RALGPS1: variants seen among roughly 807,000 people sequenced by gnomAD.
The protein encoded by RALGPS1 is Ral GEF with PH domain and SH3 binding motif 1, also known as ras-specific guanine nucleotide-releasing factor RalGPS1.
RALGPS1 carries 19 observed loss-of-function variants against 78.8 expected under a neutral mutation model. The observed-to-expected ratio is 0.24, with a 90% CI of 0.17 to 0.35. The LOEUF (loss-of-function observed/expected upper bound fraction) is 0.35. Among genes scored for constraint, RALGPS1 ranks in the 10% least tolerant of loss-of-function variants. RALGPS1 has a pLI of 1.00. For synonymous variants in RALGPS1, 228 were observed against 256.3 expected (o/e 0.89, Z 1.06); for missense variants, 454 against 688.3 (o/e 0.66, Z 3.81).
Position 127,218,411 on chromosome 9 carries a change from G to C in RALGPS1, c.1645-329G>C, listed in dbSNP as rs1480108991. ...GAGATAGGTTAAGAGCATGGGCTCT[G>C]GGTTCTTAGCCCTGCTGCTTACTTG... On this transcript the variant is annotated intron_variant, in intron 18 of 18. Coordinates refer to ENST00000259351, the MANE Select transcript of RALGPS1 (RefSeq NM_014636.3). This position sits in a 1 kb window ranked among gnomAD's most constrained non-coding sequence, Gnocchi z 4.4. Among the ~76,000 whole-genome samples, 1 of 152,182 alleles carries C rather than the reference G, an allele frequency of 6.6e-6. No individual in the cohort carries two copies. Among genetic ancestry groups the C allele is most frequent in the African/African-American group, 2.4e-5 (1 of 41,442 alleles).
Position 127,196,871 on chromosome 9 carries a change from G to A in RALGPS1, c.1195+240G>A, listed in dbSNP as rs999001773. ...CTGGATCTGTCGTCATCCTGCTGGTGGCATGGCAGGCAGGTAGAAAAAGCA... is the reference window on the plus strand; with the variant it reads ...CTGGATCTGTCGTCATCCTGCTGGTAGCATGGCAGGCAGGTAGAAAAAGCA... On this transcript the variant is annotated intron_variant, in intron 13 of 18. Coordinates refer to ENST00000259351, the MANE Select transcript of RALGPS1 (RefSeq NM_014636.3). Among the ~76,000 whole-genome samples the A allele has an allele frequency of 3.3e-5, 5 of 152,192 alleles. No homozygotes were observed. In the East Asian group the frequency reaches 9.6e-4, roughly 29 times the overall value.
At chr9:127,076,095 G>A (rs1190153875) in intron 8 of RALGPS1, among the ~76,000 whole-genome samples, 1 of 152,208 alleles carries the variant, frequency 6.6e-6, no homozygotes, top group Non-Finnish European at 1.5e-5. Context: ...TTCAAAGTGT[G>A]AAAACAGTGT....
chr9:126,948,643 C>G (rs1219228712), intron 1 of RALGPS1, among the ~76,000 whole-genome samples: 1 of 152,130 alleles, frequency 6.6e-6, no homozygotes, highest in Non-Finnish European at 1.5e-5. Flanking sequence ...CTTCTGCCTC[C>G]TCAGCTTCAG....
chr9:127,155,964 T>C (rs1426320158), intron 8 of RALGPS1, among the ~76,000 whole-genome samples: 1 of 152,072 alleles, frequency 6.6e-6, no homozygotes, highest in Non-Finnish European at 1.5e-5. Flanking sequence ...TAATATAAAA[T>C]TGTATAAAGC....
rs2132137952 is a variant in RALGPS1, at chr9:126,962,413, C to T, written c.57+67C>T. 13 of 1,535,240 alleles carry T rather than the reference C, an allele frequency of 8.5e-6. No homozygotes were observed. The South Asian group carries it at 1.5e-4, about 17-fold the overall frequency. On this transcript the variant is annotated intron_variant, in intron 2 of 18. Coordinates refer to ENST00000259351, the MANE Select transcript of RALGPS1 (RefSeq NM_014636.3). Reference sequence around the variant, plus strand: ...TCCTTTCAGCTAACCCAGGCCCCAGCTGAGCCTTGGACAGCGAGGCAGTAG... The same window carrying T: ...TCCTTTCAGCTAACCCAGGCCCCAGTTGAGCCTTGGACAGCGAGGCAGTAG...
rs142107696 is a variant in RALGPS1, at chr9:127,195,721, G to A, written c.1037+504G>A. ...GGGCAACTGTGCCTGTGTCTCCAGG[G>A]CATTAGGCACAGGCTTCCGAACAGA... On this transcript the variant is annotated intron_variant, in intron 12 of 18. Coordinates refer to ENST00000259351, the MANE Select transcript of RALGPS1 (RefSeq NM_014636.3). Among the ~76,000 whole-genome samples the A allele has an allele frequency of 3.0e-3, 463 of 152,300 alleles. 2 individuals are homozygous for A. Among genetic ancestry groups the A allele is most frequent in the African/African-American group, 0.011 (443 of 41,568 alleles).
chr9:127,108,597 CT>C, intron 8 of RALGPS1: 1 of 1,613,706 alleles, frequency 6.2e-7, no homozygotes, highest in Non-Finnish European at 8.5e-7. Context: ...CGCCCGCCCG[CT>C]TGTACCTGTT....
Position 127,218,850 on chromosome 9 carries a change from A to AGGC in RALGPS1, c.*82_*84dup. 6.7e-7 allele frequency: 1 copy of AGGC among 1,484,264 alleles called. No homozygotes were observed. The highest frequency in any genetic ancestry group is 2.3e-5 in the East Asian group (1 of 44,294). 91.9% of individuals were successfully genotyped at this position (1,484,264 alleles called of 1,614,324 possible). A position where few individuals can be genotyped will look rare whatever the true frequency, so the allele number is the denominator to read the frequency against. On this transcript the variant is annotated 3_prime_UTR_variant, in exon 19 of 19. Transcript: ENST00000259351. The surrounding 1 kb of genome is among the most constrained non-coding windows in gnomAD (Gnocchi z 4.4). Reference sequence around the variant, plus strand: ...GGTGGTGAAGAGCAGTCCTGGGCACAGGCTGTGAGCCAGGGTGCTGGGAAA... The same window carrying AGGC: ...GGTGGTGAAGAGCAGTCCTGGGCACAGGCGGCTGTGAGCCAGGGTGCTGGGAAA...
At chr9:127,109,945 C>G (rs995868989) in intron 8 of RALGPS1, among the ~76,000 whole-genome samples, 10 of 152,230 alleles carry the variant, frequency 6.6e-5, no homozygotes, top group African/African-American at 2.4e-4. Flanking sequence ...GATCCCTTCT[C>G]TTGCCCACTC....
chr9:127,047,469 C>T (rs1242984525), intron 5 of RALGPS1, among the ~76,000 whole-genome samples: 1 of 152,112 alleles, frequency 6.6e-6, no homozygotes, highest in Non-Finnish European at 1.5e-5. Flanking sequence ...GAGGCCGAGG[C>T]AGGTGGATCA....
intron 11 of RALGPS1, among the ~76,000 whole-genome samples, chr9:127,180,061 G>A (rs997847849): frequency 2.2e-4 from 34 of 152,148 alleles, no homozygotes; most frequent in African/African-American, 8.0e-4. Context: ...CTGTGTCTGT[G>A]GAGAAAAAAG....
At position 127,212,577 on chromosome 9, in the gene RALGPS1, C is replaced by T; in HGVS notation, c.1354-50C>T. ...GGGTCTGTAATCGGCCAGGGATCCT[C>T]TACCCCCACGACCCCTGGTGGCATC... On this transcript the variant is annotated intron_variant, in intron 15 of 18. Transcript: ENST00000259351. This position sits in a 1 kb window ranked among gnomAD's most constrained non-coding sequence, Gnocchi z 6.0. 7.3e-7 allele frequency: 1 copy of T among 1,362,972 alleles called. No individual in the cohort carries two copies. The allele number at this position is 1,362,972 out of a possible 1,614,324, so 84.4% of individuals were successfully genotyped here.
At position 127,222,082 on chromosome 9, in the gene RALGPS1, C is replaced by CCATT. The variant is rs1397497147; in HGVS notation, c.*3322_*3325dup. ...TAACAGATTCTCTGCACAAAACCACCCATTCATTCATTTATTCATTCACAG... is the reference window on the plus strand; with the variant it reads ...TAACAGATTCTCTGCACAAAACCACCCATTCATTCATTCATTTATTCATTCACAG... On this transcript the variant is annotated 3_prime_UTR_variant, in exon 19 of 19. Transcript: ENST00000259351. 5.3e-5 allele frequency: 8 copies of CCATT among 152,206 alleles called. No homozygotes were observed. The highest frequency in any genetic ancestry group is 1.9e-4 in the African/African-American group (8 of 41,432). The allele number at this position is 152,206 out of a possible 1,614,324, so 9.4% of individuals were successfully genotyped here.
At chr9:126,944,015 A>G (rs2037019070) in intron 1 of RALGPS1, among the ~76,000 whole-genome samples, 1 of 152,176 alleles carries the variant, frequency 6.6e-6, no homozygotes, top group Non-Finnish European at 1.5e-5. Flanking sequence ...CTAACACAGG[A>G]CCCTCTGGTC....
At chr9:127,027,205 C>T (rs941316104) in intron 4 of RALGPS1, among the ~76,000 whole-genome samples, 1 of 152,228 alleles carries the variant, frequency 6.6e-6, no homozygotes, top group Non-Finnish European at 1.5e-5. Flanking sequence ...GTGCCCTCCA[C>T]TCCATTCTCT....
At chr9:126,998,915 A>C (rs1454298567) in intron 4 of RALGPS1, among the ~76,000 whole-genome samples, 2 of 150,162 alleles carry the variant, frequency 1.3e-5, no homozygotes, top group South Asian at 2.1e-4. Context: ...AACTATCGCA[A>C]GGACAAAAAA....
At chr9:126,982,928 C>CTTTTTTTTTT (rs71377984) in intron 4 of RALGPS1, among the ~76,000 whole-genome samples, 3 of 34,628 alleles carry the variant, frequency 8.7e-5, no homozygotes, top group African/African-American at 1.5e-4. Context: ...TCTTCTTCTT[C>CTTTTTTTTTT]TTTTTTTTTT....
chr9:127,009,101 T>A (rs1380661204), intron 4 of RALGPS1, among the ~76,000 whole-genome samples: 1 of 152,244 alleles, frequency 6.6e-6, no homozygotes, highest in Non-Finnish European at 1.5e-5. Context: ...TGCAAGTTCT[T>A]CTCAAAGAAT....
intron 8 of RALGPS1, among the ~76,000 whole-genome samples, chr9:127,143,967 C>T (rs921011836): frequency 3.9e-5 from 6 of 152,246 alleles, no homozygotes; most frequent in Admixed American, 3.9e-4. Context: ...ACAAGCACAG[C>T]AGAGGATGGA....
Sources: gnomAD v4.1 joint callset for allele counts (sites outside exome capture counted in the v4.1 genomes callset) on GRCh38, gnomAD v4.1.1 for gene constraint, Gnocchi (gnomAD v3.1) non-coding constraint, MANE v1.5 for transcripts, NCBI Gene and HGNC (gene_info 2026-07-23, HGNC 2026-07-21) for gene names.